RABGAP1L: variants seen among roughly 807,000 people sequenced by gnomAD.
RABGAP1L encodes the protein rab GTPase-activating protein 1-like.
A neutral mutation model predicts 137.7 loss-of-function variants in RABGAP1L; 63 were observed. The ratio of observed to expected loss-of-function variants is 0.46; its 90% CI spans 0.37 to 0.56. The LOEUF (loss-of-function observed/expected upper bound fraction) is 0.56. RABGAP1L is among the 20% of genes least tolerant of loss of function. The pLI is 0.00. For synonymous variants in RABGAP1L, 431 were observed against 433.7 expected (o/e 0.99, Z 0.08); for missense variants, 1,095 against 1,244.0 (o/e 0.88, Z 1.80).
At chr1:174,830,579 C>T (rs1351084653) in intron 19 of RABGAP1L, among the ~76,000 whole-genome samples, 3 of 146,954 alleles carry the variant, frequency 2.0e-5, no homozygotes, top group African/African-American at 5.0e-5. Flanking sequence ...CAGGTTCAAG[C>T]GATTCTCCTT....
intron 17 of RABGAP1L, among the ~76,000 whole-genome samples, chr1:174,742,744 A>T (rs1043357109): frequency 1.3e-5 from 2 of 152,148 alleles, no homozygotes; most frequent in African/African-American, 4.8e-5. Flanking sequence ...ATATAATCCG[A>T]TGTGTATCAT....
chr1:174,887,585 T>A (rs1241779194), intron 19 of RABGAP1L, among the ~76,000 whole-genome samples: 1 of 140,546 alleles, frequency 7.1e-6, no homozygotes, highest in Non-Finnish European at 1.5e-5. Flanking sequence ...CTGATCCATA[T>A]TTATAGCCCA....
chr1:174,880,249 G>A lies in RABGAP1L; in HGVS notation c.2340+68289G>A, dbSNP rs1475803755. Reference sequence around the variant, plus strand: ...TACAATATACACTATAACTGAATCAGGATAGGATAATCCACGGTTGTAGAT... The same window carrying A: ...TACAATATACACTATAACTGAATCAAGATAGGATAATCCACGGTTGTAGAT... On this transcript the variant is annotated intron_variant, in intron 19 of 25. Transcript: ENST00000681986. Among the ~76,000 whole-genome samples the A allele has an allele frequency of 3.3e-5, 5 of 152,016 alleles. No individual in the cohort carries two copies. The South Asian group carries it at 8.3e-4, about 25-fold the overall frequency.
At chr1:174,673,535 T>C (rs1416913284) in intron 14 of RABGAP1L, among the ~76,000 whole-genome samples, 1 of 152,220 alleles carries the variant, frequency 6.6e-6, no homozygotes, top group Non-Finnish European at 1.5e-5. Context: ...CGAATTTGAT[T>C]ATTAATTTCT....
chr1:174,622,856 T>A (rs1014807941), intron 13 of RABGAP1L, among the ~76,000 whole-genome samples: 15 of 152,128 alleles, frequency 9.9e-5, no homozygotes, highest in Admixed American at 2.6e-4. Context: ...AAGTATATTT[T>A]AAAAAATACC....
At chr1:174,654,398 A>G (rs900557648) in intron 14 of RABGAP1L, among the ~76,000 whole-genome samples, 3 of 152,342 alleles carry the variant, frequency 2.0e-5, no homozygotes, top group Admixed American at 1.3e-4. Flanking sequence ...CTAAAAGAGC[A>G]TTCTATTTCT....
intron 7 of RABGAP1L, among the ~76,000 whole-genome samples, chr1:174,258,775 G>T (rs998305145): frequency 1.3e-5 from 2 of 150,854 alleles, no homozygotes; most frequent in Admixed American, 6.6e-5. Flanking sequence ...AACATTCTGG[G>T]TTTTTTTTTG....
At chr1:174,543,615 G>T (rs1665697812) in intron 13 of RABGAP1L, among the ~76,000 whole-genome samples, 1 of 152,186 alleles carries the variant, frequency 6.6e-6, no homozygotes, top group Admixed American at 6.5e-5. Flanking sequence ...ATATGGTTAT[G>T]TGTGAATTTG....
intron 11 of RABGAP1L, among the ~76,000 whole-genome samples, chr1:174,342,023 A>G (rs1315059499): frequency 6.6e-6 from 1 of 152,052 alleles, no homozygotes; most frequent in African/African-American, 2.4e-5. Flanking sequence ...AAAATCTTTC[A>G]ATTTATGTGT....
At chr1:174,431,962 T>C (rs1652687316) in intron 13 of RABGAP1L, among the ~76,000 whole-genome samples, 2 of 152,152 alleles carry the variant, frequency 1.3e-5, no homozygotes, top group African/African-American at 2.4e-5. Flanking sequence ...TTTAAAGAAA[T>C]AGTTTCAACT....
At chr1:174,636,488 A>C (rs1374856121) in intron 13 of RABGAP1L, among the ~76,000 whole-genome samples, 1 of 150,982 alleles carries the variant, frequency 6.6e-6, no homozygotes, top group Non-Finnish European at 1.5e-5. Flanking sequence ...AGATCGTGCC[A>C]TTGTACTCCA....
At chr1:174,767,789 C>G (rs981081226) in intron 18 of RABGAP1L, among the ~76,000 whole-genome samples, 1 of 152,042 alleles carries the variant, frequency 6.6e-6, no homozygotes, top group African/African-American at 2.4e-5. Context: ...ATACCCGAGA[C>G]TGGGCAATTT....
At chr1:174,577,830 C>T (rs900089278) in intron 13 of RABGAP1L, among the ~76,000 whole-genome samples, 1 of 152,186 alleles carries the variant, frequency 6.6e-6, no homozygotes, top group Non-Finnish European at 1.5e-5. Flanking sequence ...GCCTACTTAA[C>T]TGTGAATTTT....
At chr1:174,945,504 A>C (rs181442150) in intron 19 of RABGAP1L, 1 of 152,296 alleles carries the variant, frequency 6.6e-6, no homozygotes, top group East Asian at 1.9e-4. Flanking sequence ...TTAGCCCCAC[A>C]TTGAGAATAA....
intron 4 of RABGAP1L, among the ~76,000 whole-genome samples, chr1:174,232,375 C>A (rs1474618927): frequency 2.0e-5 from 3 of 151,538 alleles, no homozygotes; most frequent in Non-Finnish European, 4.4e-5. Context: ...ATCCCAGCTG[C>A]TTGGGAGGCT....
intron 15 of RABGAP1L, among the ~76,000 whole-genome samples, chr1:174,694,243 C>G (rs1412634239): frequency 6.6e-6 from 1 of 151,570 alleles, no homozygotes; most frequent in African/African-American, 2.4e-5. Flanking sequence ...TACATGTGCA[C>G]AATGTGCAGG....
intron 11 of RABGAP1L, among the ~76,000 whole-genome samples, chr1:174,354,886 C>G (rs148706302): frequency 0.012 from 1,826 of 152,286 alleles, 9 homozygotes; most frequent in Middle Eastern, 0.041. Flanking sequence ...TATGGCTAGC[C>G]AGTTTTCCCA....
At chr1:174,211,649 TG>T in intron 1 of RABGAP1L, among the ~76,000 whole-genome samples, 1 of 152,172 alleles carries the variant, frequency 6.6e-6, no homozygotes, top group Non-Finnish European at 1.5e-5. Context: ...TGAATGTAAA[TG>T]GATTAAACTC....
intron 13 of RABGAP1L, among the ~76,000 whole-genome samples, chr1:174,503,688 CA>C (rs1206411511): frequency 4.0e-5 from 5 of 124,340 alleles, no homozygotes; most frequent in African/African-American, 5.5e-5. Flanking sequence ...AATGTAAATA[CA>C]AAAAAAATCA....
Sources: gnomAD v4.1 joint callset for allele counts (sites outside exome capture counted in the v4.1 genomes callset) on GRCh38, gnomAD v4.1.1 for gene constraint, MANE v1.5 for transcripts, NCBI Gene and HGNC (gene_info 2026-07-23, HGNC 2026-07-21) for gene names.